Variants in MDGA2 observed in about 807,000 individuals in gnomAD.
MDGA2 encodes MAM domain containing glycosylphosphatidylinositol anchor 2.
MDGA2 carries 40 observed loss-of-function variants against 117.8 expected under a neutral mutation model. The observed-to-expected ratio is 0.34, with a 90% CI of 0.26 to 0.44. MDGA2 has a LOEUF of 0.44. Among genes scored for constraint, MDGA2 ranks in the 20% least tolerant of loss-of-function variants. The pLI, the probability that MDGA2 is intolerant of heterozygous loss-of-function variation, is 1.00. For synonymous variants in MDGA2, 452 were observed against 439.0 expected (o/e 1.03, Z -0.37); for missense variants, 1,123 against 1,250.6 (o/e 0.90, Z 1.54).
At chr14:47,271,588 T>C (rs1196786912) in intron 2 of MDGA2, among the ~76,000 whole-genome samples, 2 of 152,140 alleles carry the variant, frequency 1.3e-5, no homozygotes, top group Non-Finnish European at 1.5e-5. Context: ...GTAGGAATGA[T>C]AAAAGTCAGA....
chr14:46,941,014 T>C (rs1013178893), intron 9 of MDGA2, among the ~76,000 whole-genome samples: 3 of 152,216 alleles, frequency 2.0e-5, no homozygotes, highest in African/African-American at 7.2e-5. Flanking sequence ...AACCGGTTAT[T>C]GAACCTGCAT....
intron 1 of MDGA2, chr14:47,343,313 G>T (rs569659593): frequency 9.4e-7 from 1 of 1,063,512 alleles, no homozygotes; most frequent in Non-Finnish European, 1.2e-6. Flanking sequence ...GTAATGAGAC[G>T]CTGTGAGTCT....
At chr14:47,627,969 C>A (rs1041097430) in intron 1 of MDGA2, among the ~76,000 whole-genome samples, 15 of 152,118 alleles carry the variant, frequency 9.9e-5, no homozygotes, top group African/African-American at 3.6e-4. Context: ...TAACACTCAC[C>A]GTGAGGGTCC....
chr14:47,570,515 G>A (rs952978785), intron 1 of MDGA2, among the ~76,000 whole-genome samples: 1 of 152,080 alleles, frequency 6.6e-6, no homozygotes, highest in Non-Finnish European at 1.5e-5. Context: ...TACTTTGTAA[G>A]TGATACTTTT....
At chr14:47,392,887 G>T (rs754980118) in intron 1 of MDGA2, among the ~76,000 whole-genome samples, 18 of 152,046 alleles carry the variant, frequency 1.2e-4, no homozygotes, top group Non-Finnish European at 1.9e-4. Flanking sequence ...AAGCTCAGAA[G>T]CATGGGAATA....
chr14:47,370,307 T>A (rs915398470), intron 1 of MDGA2, among the ~76,000 whole-genome samples: 5 of 7,138 alleles, frequency 7.0e-4, no homozygotes, highest in African/African-American at 2.8e-3. Context: ...AAACAATGCT[T>A]TGAATAAAAA....
chr14:47,459,897 A>G (rs1893446944), intron 1 of MDGA2, among the ~76,000 whole-genome samples: 1 of 152,184 alleles, frequency 6.6e-6, no homozygotes, highest in African/African-American at 2.4e-5. Flanking sequence ...AAAGAAGAAT[A>G]GAATTAAATT....
intron 12 of MDGA2, among the ~76,000 whole-genome samples, chr14:46,874,726 C>A (rs1183322343): frequency 1.3e-5 from 2 of 151,720 alleles, no homozygotes; most frequent in Non-Finnish European, 1.5e-5. Flanking sequence ...AAGTATTTAT[C>A]CTTCCTACTT....
chr14:47,546,777 G>A (rs553854725), intron 1 of MDGA2, among the ~76,000 whole-genome samples: 1 of 152,252 alleles, frequency 6.6e-6, no homozygotes, highest in East Asian at 1.9e-4. Context: ...AAAACCTTGA[G>A]AATGTTTCTT....
In MDGA2 at chr14:46,882,106, C is replaced by T. The variant is rs1388549062; in HGVS notation, c.2354G>A (p.Arg785Gln). ...ACCAAATTTGGTGAGAGGAGTCAGT[C>T]GGACTTCATAAGCTTCTGGTTTAAT... is the stretch of plus-strand genomic sequence containing the variant. ...ELIKPEAYEV[R>Q]LTPLTKFGEG... Residue 785 changes from arginine (R) to glutamine (Q), a missense_variant, in exon 11 of 17, where the codon CGA becomes CAA. Around this residue, in one of 2 missense-constraint regions of MDGA2, gnomAD observed 890 missense variants for 1,050.3 expected, o/e 0.85. Coordinates refer to ENST00000399232, the MANE Select transcript of MDGA2 (RefSeq NM_001113498.3). 1.9e-6 allele frequency: 3 copies of T among 1,611,858 alleles called. No individual in the cohort carries two copies. The highest frequency in any genetic ancestry group is 2.5e-6 in the Non-Finnish European group (3 of 1,178,672).
intron 1 of MDGA2, among the ~76,000 whole-genome samples, chr14:47,624,150 C>A (rs1371457764): frequency 6.6e-6 from 1 of 152,180 alleles, no homozygotes; most frequent in Non-Finnish European, 1.5e-5. Flanking sequence ...GGTCCTCGTT[C>A]CTTTTGTCTG....
At chr14:47,509,570 T>C (rs988336001) in intron 1 of MDGA2, among the ~76,000 whole-genome samples, 23 of 152,162 alleles carry the variant, frequency 1.5e-4, no homozygotes, top group African/African-American at 4.8e-4. Flanking sequence ...CTGTGGGACC[T>C]AGACAGAGAG....
chr14:47,507,899 G>T (rs1894549395), intron 1 of MDGA2, among the ~76,000 whole-genome samples: 1 of 152,056 alleles, frequency 6.6e-6, no homozygotes, highest in Non-Finnish European at 1.5e-5. Context: ...ACTGAAGCAG[G>T]GACTGAAAAA....
chr14:47,222,198 G>C (rs930712943), intron 2 of MDGA2, among the ~76,000 whole-genome samples: 2 of 152,008 alleles, frequency 1.3e-5, no homozygotes, highest in African/African-American at 4.8e-5. Flanking sequence ...TGGAACAATA[G>C]AAAATTGGAA....
chr14:47,669,773 T>C (rs1898041570), intron 1 of MDGA2, among the ~76,000 whole-genome samples: 1 of 152,168 alleles, frequency 6.6e-6, no homozygotes, highest in African/African-American at 2.4e-5. Context: ...AAATAATCTC[T>C]TCCTCTTTTC....
At chr14:46,941,602 CTG>C (rs1885002742) in intron 9 of MDGA2, among the ~76,000 whole-genome samples, 1 of 152,102 alleles carries the variant, frequency 6.6e-6, no homozygotes, top group Non-Finnish European at 1.5e-5. Flanking sequence ...CTAAAAAGTT[CTG>C]TGATTCCTTC....
At chr14:47,543,986 T>G (rs547135744) in intron 1 of MDGA2, among the ~76,000 whole-genome samples, 5 of 152,214 alleles carry the variant, frequency 3.3e-5, no homozygotes, top group African/African-American at 1.2e-4. Flanking sequence ...CCATTATATT[T>G]ACTAGGAAAC....
chr14:47,221,662 G>A (rs1487469859), intron 2 of MDGA2, among the ~76,000 whole-genome samples: 2 of 148,600 alleles, frequency 1.3e-5, no homozygotes, highest in Admixed American at 6.7e-5. Context: ...CACTCCAGGC[G>A]GGGTGACAGA....
chr14:47,597,177 A>G (rs553235285), intron 1 of MDGA2, among the ~76,000 whole-genome samples: 11 of 152,196 alleles, frequency 7.2e-5, no homozygotes, highest in Admixed American at 3.3e-4. Flanking sequence ...TAAAGGTTAA[A>G]TCTTCTGGGT....
Sources: allele counts gnomAD v4.1 joint callset (sites outside exome capture counted in the v4.1 genomes callset), GRCh38; gene constraint gnomAD v4.1.1; regional missense constraint gnomAD v4.1.1; transcripts MANE v1.5; gene names NCBI Gene and HGNC (gene_info 2026-07-23, HGNC 2026-07-21).